Variants in RIPOR2 observed in about 807,000 individuals in gnomAD.
RIPOR2 encodes RHO family interacting cell polarization regulator 2.
RIPOR2 carries 39 observed loss-of-function variants against 114.5 expected under a neutral mutation model. The ratio of observed to expected loss-of-function variants is 0.34; its 90% CI spans 0.26 to 0.44. The LOEUF is 0.44. RIPOR2 is among the 20% of genes least tolerant of loss of function. RIPOR2 has a pLI of 1.00. For missense variants in RIPOR2, 1,007 were observed against 1,255.1 expected (o/e 0.80, Z 2.99); for synonymous variants, 445 against 484.4 (o/e 0.92, Z 1.07).
rs529882355 is a variant in RIPOR2 at position 24,828,015 on chromosome 6, T to G, written c.2665+122A>C. 8 of 809,518 alleles carry G rather than the reference T, an allele frequency of 9.9e-6. No individual in the cohort carries two copies. In the African/African-American group the frequency reaches 1.4e-4, roughly 14 times the overall value. 50.1% of individuals were successfully genotyped at this position (809,518 alleles called of 1,614,324 possible). On this transcript the variant is annotated intron_variant, in intron 18 of 21. Transcript: ENST00000643898. ...GTCCAAAAGTCACTTAAAAGGCAAA[T>G]TGCACCTCTACTGTGGACTTGAAAA... is the stretch of plus-strand genomic sequence containing the variant.
intron 1 of RIPOR2, among the ~76,000 whole-genome samples, chr6:25,027,661 G>A (rs1303060382): frequency 6.6e-6 from 1 of 152,218 alleles, no homozygotes; most frequent in Non-Finnish European, 1.5e-5. Context: ...TGGGGAGAAA[G>A]AGGGCCCCCC....
At chr6:24,837,240 A>G (rs1175257551) in intron 14 of RIPOR2, among the ~76,000 whole-genome samples, 1 of 152,092 alleles carries the variant, frequency 6.6e-6, no homozygotes, top group East Asian at 1.9e-4. Context: ...CTCCCACCTC[A>G]GCCTCCTGAG....
intron 1 of RIPOR2, among the ~76,000 whole-genome samples, chr6:25,041,133 C>G (rs13437174): frequency 0.015 from 2,311 of 152,256 alleles, 56 homozygotes; most frequent in African/African-American, 0.051. Flanking sequence ...TATTCCTTAC[C>G]CCTGTGAAAA....
intron 1 of RIPOR2, among the ~76,000 whole-genome samples, chr6:24,925,096 T>TA (rs1047743871): frequency 1.3e-5 from 2 of 152,204 alleles, no homozygotes; most frequent in African/African-American, 4.8e-5. Flanking sequence ...TGTTCATCTG[T>TA]AAAAAACCAT....
At chr6:24,849,467 T>A (rs940521817) in intron 11 of RIPOR2, among the ~76,000 whole-genome samples, 1 of 152,180 alleles carries the variant, frequency 6.6e-6, no homozygotes, top group Non-Finnish European at 1.5e-5. Flanking sequence ...TCTTTCAAAT[T>A]AGTTTACTTG....
chr6:24,810,382 A>C (rs1288271016), intron 20 of RIPOR2, among the ~76,000 whole-genome samples: 1 of 152,170 alleles, frequency 6.6e-6, no homozygotes, highest in East Asian at 1.9e-4. Flanking sequence ...GGTTCTTTCC[A>C]CTGAATCTCA....
At chr6:24,968,791 T>C (rs6910136) in intron 1 of RIPOR2, among the ~76,000 whole-genome samples, 11,256 of 152,226 alleles carry the variant, frequency 0.074, 896 homozygotes, top group African/African-American at 0.19. Flanking sequence ...GTCCCTGGCC[T>C]GCTGCTGCTA....
chr6:25,031,727 AT>A (rs1776965577), intron 1 of RIPOR2, among the ~76,000 whole-genome samples: 4 of 114,560 alleles, frequency 3.5e-5, no homozygotes, highest in South Asian at 2.6e-4. Flanking sequence ...ATATATATAT[AT>A]ATATATATAT....
At chr6:24,855,856 A>G (rs1381584360) in intron 8 of RIPOR2, among the ~76,000 whole-genome samples, 1 of 152,184 alleles carries the variant, frequency 6.6e-6, no homozygotes, top group East Asian at 1.9e-4. Flanking sequence ...CAACACAGTG[A>G]GACCCTATCT....
At chr6:24,924,821 G>C (rs951479482) in intron 1 of RIPOR2, among the ~76,000 whole-genome samples, 1 of 152,164 alleles carries the variant, frequency 6.6e-6, no homozygotes, top group African/African-American at 2.4e-5. Flanking sequence ...ACATAGACTA[G>C]AGTTGGCAGG....
intron 1 of RIPOR2, among the ~76,000 whole-genome samples, chr6:24,886,651 T>C (rs1201771296): frequency 6.6e-6 from 1 of 152,252 alleles, no homozygotes; most frequent in Non-Finnish European, 1.5e-5. Context: ...TTAGCAGTGA[T>C]ACCACGTAAG....
chr6:24,888,867 C>T (rs1310883839), intron 1 of RIPOR2, among the ~76,000 whole-genome samples: 3 of 152,166 alleles, frequency 2.0e-5, no homozygotes, highest in Non-Finnish European at 4.4e-5. Context: ...GTAAAAATAG[C>T]TGACAACATT....
chr6:24,832,340 T>C lies in RIPOR2; in HGVS notation c.2260A>G (p.Lys754Glu). Residue 754 changes from lysine to glutamate, a missense_variant, in exon 16 of 22, where the codon AAG becomes GAG. Physicochemically the swap from Lys to Glu is moderately conservative, Grantham distance 56. Transcript: ENST00000643898. ...TPFVARSLLE[K>E]LSRQIQVMEK... ...ATCACTTGGATCTGCCTAGAAAGCT[T>C]CTCTAAGAGACTTCTTGCCACAAAT... 1 of 1,552,018 alleles carries C rather than the reference T, an allele frequency of 6.4e-7. No individual in the cohort carries two copies. Among genetic ancestry groups the C allele is most frequent in the Non-Finnish European group, 8.7e-7 (1 of 1,146,986 alleles).
chr6:24,907,774 G>C (rs1340765571), intron 1 of RIPOR2, among the ~76,000 whole-genome samples: 1 of 152,164 alleles, frequency 6.6e-6, no homozygotes, highest in Non-Finnish European at 1.5e-5. Context: ...ATGAAATGAA[G>C]AAATGAAGCC....
intron 1 of RIPOR2, among the ~76,000 whole-genome samples, chr6:25,040,009 T>C (rs930289019): frequency 1.3e-5 from 2 of 152,220 alleles, no homozygotes; most frequent in African/African-American, 4.8e-5. Context: ...CCTAAGCCAC[T>C]CATTCATCTT....
chr6:24,811,425 C>T (rs1477082795), intron 20 of RIPOR2, among the ~76,000 whole-genome samples: 6 of 149,738 alleles, frequency 4.0e-5, no homozygotes, highest in Admixed American at 1.3e-4. Context: ...TTAGTAGAGA[C>T]GGGGTTTCAT....
chr6:24,887,483 C>A (rs1240321473), intron 1 of RIPOR2, among the ~76,000 whole-genome samples: 2 of 152,280 alleles, frequency 1.3e-5, no homozygotes, highest in East Asian at 3.9e-4. Context: ...GAAAAATGGT[C>A]TTTCCTACTA....
chr6:24,985,352 G>A (rs777592247), intron 1 of RIPOR2, among the ~76,000 whole-genome samples: 4 of 135,452 alleles, frequency 3.0e-5, no homozygotes, highest in Admixed American at 2.4e-4. Flanking sequence ...TGGGACCAGG[G>A]GCTCCATAGA....
At chr6:24,808,001 T>A (rs561334548) in intron 21 of RIPOR2, among the ~76,000 whole-genome samples, 1 of 152,288 alleles carries the variant, frequency 6.6e-6, no homozygotes, top group Non-Finnish European at 1.5e-5. Flanking sequence ...TAGAATCACC[T>A]GGGAGGCTTC....
Sources: gnomAD v4.1 joint callset for allele counts (sites outside exome capture counted in the v4.1 genomes callset) on GRCh38, gnomAD v4.1.1 for gene constraint, MANE v1.5 for transcripts, NCBI Gene and HGNC (gene_info 2026-07-23, HGNC 2026-07-21) for gene names.